The following CCDC122 variants were observed in gnomAD, a reference collection of about 807,000 sequenced individuals.
CCDC122 encodes coiled-coil domain containing 122, also known as coiled-coil domain-containing protein 122.
Under a neutral mutation model 37.0 loss-of-function variants are expected in CCDC122, and 38 were observed. The ratio of observed to expected loss-of-function variants is 1.03; its 90% CI spans 0.79 to 1.35. CCDC122 has a LOEUF of 1.35. CCDC122 is among the 40% of genes most tolerant of loss of function. CCDC122 has a pLI of 0.00. For synonymous variants in CCDC122, 83 were observed against 95.6 expected (o/e 0.87, Z 0.77); for missense variants, 305 against 310.0 (o/e 0.98, Z 0.12).
At chr13:43,832,904 T>A (rs1953103359), downstream of CCDC122, among the ~76,000 whole-genome samples, 1 of 152,168 alleles carries the variant, frequency 6.6e-6, no homozygotes, top group Non-Finnish European at 1.5e-5. Context: ...AAATCATGTA[T>A]ACAAATTGTC....
downstream of CCDC122, among the ~76,000 whole-genome samples, chr13:43,831,751 T>G (rs9567276): frequency 0.018 from 2,723 of 152,268 alleles, 62 homozygotes; most frequent in East Asian, 0.075. Context: ...TTTAAAACTA[T>G]TTCCCTCATG....
chr13:43,823,827 G>A (rs1953014347), downstream of CCDC122: 1 of 152,264 alleles, frequency 6.6e-6, no homozygotes, highest in Middle Eastern at 3.2e-3. Context: ...TGGAGGAGTG[G>A]TAGTTTGGCT....
In CCDC122 at chr13:43,859,931, G is replaced by T. The variant is rs749121262; in HGVS notation, c.296C>A (p.Ser99Tyr). 99 of 1,610,854 alleles carry T rather than the reference G, an allele frequency of 6.1e-5. No individual in the cohort carries two copies. Among genetic ancestry groups the T allele is most frequent in the Non-Finnish European group, 8.1e-5 (96 of 1,178,688 alleles). The change falls in exon 5 of 7, where the codon TCC becomes TAC. Residue 99 changes from serine to tyrosine, a missense_variant. By Grantham distance (144) the Ser-to-Tyr change is moderately radical. Coordinates refer to ENST00000444614, the MANE Select transcript of CCDC122 (RefSeq NM_144974.5). ...AAGCTTTACATTTTCTGAATGTAAG[G>T]ATTTGATTTGAGTTTCCAGGCTATC... ...HCDSLETQIK[S>Y]LHSENVKLKF...
chr13:43,822,048 T>C (rs1594807538), downstream of CCDC122, among the ~76,000 whole-genome samples: 2 of 152,158 alleles, frequency 1.3e-5, no homozygotes, highest in East Asian at 3.9e-4. Flanking sequence ...TTGATGCTCG[T>C]AGATGTTCGT....
intron 3 of CCDC122, among the ~76,000 whole-genome samples, chr13:43,829,573 T>C (rs1953069754): frequency 6.6e-6 from 1 of 152,152 alleles, no homozygotes; most frequent in Non-Finnish European, 1.5e-5. Flanking sequence ...CCCAAAGTGC[T>C]GGGATTACAG....
At chr13:43,868,828 T>C (rs202087360) in intron 3 of CCDC122, 25 bp from the exon 4 acceptor site, 5 of 1,127,400 alleles carry the variant, frequency 4.4e-6, no homozygotes, top group East Asian at 3.1e-5. Context: ...AAGAATAAAG[T>C]ATATAATAAA....
At chr13:43,829,542 G>A (rs1327852732) in intron 3 of CCDC122, among the ~76,000 whole-genome samples, 1 of 152,096 alleles carries the variant, frequency 6.6e-6, no homozygotes, top group Non-Finnish European at 1.5e-5. Flanking sequence ...CTGACCTCAA[G>A]TGATCTGCCT....
downstream of CCDC122, among the ~76,000 whole-genome samples, chr13:43,831,583 GT>G (rs1198517438): frequency 1.3e-5 from 2 of 152,124 alleles, no homozygotes; most frequent in African/African-American, 4.8e-5. Flanking sequence ...GACAAAAAAT[GT>G]TTAAAAATTC....
intron 3 of CCDC122, among the ~76,000 whole-genome samples, chr13:43,827,798 T>A (rs1953053116): frequency 6.6e-6 from 1 of 152,166 alleles, no homozygotes; most frequent in African/African-American, 2.4e-5. Context: ...ACTTCTAAAC[T>A]GTGGCATTGC....
chr13:43,863,434 T>C (rs762770886), intron 4 of CCDC122, among the ~76,000 whole-genome samples: 8 of 152,236 alleles, frequency 5.3e-5, no homozygotes, highest in Admixed American at 1.3e-4. Context: ...GATGGGCATT[T>C]GGGTTGTTTC....
intron 3 of CCDC122, among the ~76,000 whole-genome samples, chr13:43,825,897 TA>T (rs922205183): frequency 6.6e-6 from 1 of 152,092 alleles, no homozygotes; most frequent in Admixed American, 6.5e-5. Flanking sequence ...ATATACCCTG[TA>T]ACAAACATGC....
downstream of CCDC122, among the ~76,000 whole-genome samples, chr13:43,833,053 A>G (rs1353450940): frequency 6.6e-6 from 1 of 152,192 alleles, no homozygotes; most frequent in Non-Finnish European, 1.5e-5. Flanking sequence ...GACCATTTAT[A>G]TTGGCCATGA....
downstream of CCDC122, among the ~76,000 whole-genome samples, chr13:43,822,299 A>G (rs938661240): frequency 3.9e-5 from 6 of 152,186 alleles, no homozygotes; most frequent in Admixed American, 3.9e-4. Flanking sequence ...CTTTCCCGCA[A>G]ATGGAGTCTG....
At chr13:43,873,132 C>T (rs1383978463) in intron 2 of CCDC122, among the ~76,000 whole-genome samples, 1 of 152,120 alleles carries the variant, frequency 6.6e-6, no homozygotes, top group African/African-American at 2.4e-5. Context: ...TTATGTCACA[C>T]CTCCTAGTGC....
intron 3 of CCDC122, among the ~76,000 whole-genome samples, chr13:43,826,912 C>T (rs1208741457): frequency 1.3e-5 from 2 of 152,104 alleles, no homozygotes; most frequent in Non-Finnish European, 2.9e-5. Context: ...TGCCCAAAGT[C>T]ATCTTAAATA....
At chr13:43,859,557 G>T in intron 5 of CCDC122, 115 bp downstream of exon 5, 1 of 764,930 alleles carries the variant, frequency 1.3e-6, no homozygotes, top group South Asian at 3.3e-5. Context: ...GTTTCTGAAG[G>T]TAATAGGACA....
chr13:43,832,324 CA>C (rs1953097500), downstream of CCDC122, among the ~76,000 whole-genome samples: 1 of 151,986 alleles, frequency 6.6e-6, no homozygotes, highest in Non-Finnish European at 1.5e-5. Context: ...ACTAACAAAT[CA>C]AAACCACGTT....
chr13:43,855,704 C>T (rs951016390), intron 6 of CCDC122: 4 of 147,272 alleles, frequency 2.7e-5, no homozygotes, highest in Non-Finnish European at 3.0e-5. Context: ...AACAAACAAA[C>T]AAAAAACATG....
rs917398215 is a variant in CCDC122, at chr13:43,872,013, A to G, written c.-113-2524T>C. 5.3e-5 allele frequency among the ~76,000 whole-genome samples: 8 copies of G among 152,044 alleles called. No individual in the cohort carries two copies. The East Asian group carries it at 1.5e-3, about 29-fold the overall frequency. ...CAATATCCACAAAAATAGTATATCT[A>G]AATCCCTGAACGTTCAGTTGCTTGA... On this transcript the variant is annotated intron_variant, in intron 2 of 6. Transcript: ENST00000444614.
Sources: allele counts gnomAD v4.1 joint callset (sites outside exome capture counted in the v4.1 genomes callset), GRCh38; gene constraint gnomAD v4.1.1; transcripts MANE v1.5; gene names NCBI Gene and HGNC (gene_info 2026-07-23, HGNC 2026-07-21).